SPINK5: variants seen among roughly 807,000 people sequenced by gnomAD.
SPINK5 encodes the protein serine peptidase inhibitor Kazal type 5.
In SPINK5, 125 loss-of-function variants were observed where a neutral mutation model predicts 151.8. The observed-to-expected ratio is 0.82, with a 90% CI of 0.71 to 0.96. The LOEUF is 0.96. SPINK5 is among the 40% of genes least tolerant of loss of function. The pLI is 0.00. For missense variants in SPINK5, 1,194 were observed against 1,291.9 expected (o/e 0.92, Z 1.16); for synonymous variants, 374 against 395.3 (o/e 0.95, Z 0.64).
chr5:148,071,199 G>A (rs1413233545), intron 3 of SPINK5, among the ~76,000 whole-genome samples: 2 of 152,118 alleles, frequency 1.3e-5, no homozygotes, highest in African/African-American at 4.8e-5. Context: ...AACTTCAACA[G>A]TGGTAGCAAG....
chr5:148,076,087 A>T (rs763485966), intron 4 of SPINK5, among the ~76,000 whole-genome samples: 13 of 151,798 alleles, frequency 8.6e-5, no homozygotes, highest in Non-Finnish European at 1.5e-4. Flanking sequence ...CTTAATAAAC[A>T]CAAAATGTCC....
intron 24 of SPINK5, 105 bp downstream of exon 24, chr5:148,119,163 C>T: frequency 1.8e-6 from 2 of 1,129,102 alleles, no homozygotes; most frequent in African/African-American, 1.5e-5. Flanking sequence ...TAGAGCTTGC[C>T]CTTAGAAGGT....
chr5:148,101,323 T>G, intron 13 of SPINK5, 32 bp from the exon 14 acceptor site: 1 of 1,483,814 alleles, frequency 6.7e-7, no homozygotes. Flanking sequence ...TCTATGATTT[T>G]TACTTATCTC....
At chr5:148,075,904 G>T (rs1192500724) in intron 4 of SPINK5, among the ~76,000 whole-genome samples, 3 of 151,712 alleles carry the variant, frequency 2.0e-5, no homozygotes, top group Non-Finnish European at 4.4e-5. Context: ...ATACCCAGAG[G>T]TGTTTTCAGT....
At chr5:148,065,293 G>C (rs1426235293) in intron 1 of SPINK5, 54 bp from the exon 2 acceptor site, 1 of 1,580,506 alleles carries the variant, frequency 6.3e-7, no homozygotes, top group Non-Finnish European at 8.7e-7. Flanking sequence ...TATTTGTTTT[G>C]TTTATTAAAT....
At chr5:148,112,071 T>C (rs537428466) in intron 19 of SPINK5, among the ~76,000 whole-genome samples, 176 bp downstream of exon 19, 1 of 152,302 alleles carries the variant, frequency 6.6e-6, no homozygotes, top group African/African-American at 2.4e-5. Context: ...ATTTCTGGTG[T>C]TCTTCAATAG....
intron 21 of SPINK5, 102 bp from the exon 22 acceptor site, chr5:148,116,268 A>G: frequency 8.3e-7 from 1 of 1,197,886 alleles, no homozygotes; most frequent in Non-Finnish European, 1.2e-6. Flanking sequence ...ATGCTCGATA[A>G]TTCTGTACAT....
chr5:148,122,001 AGTGTGTGT>A (rs35297940), intron 26 of SPINK5, among the ~76,000 whole-genome samples: 8 of 148,506 alleles, frequency 5.4e-5, no homozygotes, highest in African/African-American at 1.5e-4. Flanking sequence ...ATTGTGTGTG[AGTGTGTGT>A]GTGTGTGTGT....
intron 19 of SPINK5, 72 bp from the exon 20 acceptor site, chr5:148,112,796 G>C (rs1365456384): frequency 6.3e-7 from 1 of 1,599,864 alleles, no homozygotes; most frequent in Non-Finnish European, 8.5e-7. Context: ...TTTTTATGTA[G>C]AGACATTTCT....
intron 2 of SPINK5, among the ~76,000 whole-genome samples, chr5:148,067,169 G>T (rs1327141464): frequency 2.0e-5 from 3 of 152,188 alleles, no homozygotes; most frequent in Non-Finnish European, 4.4e-5. Flanking sequence ...GCAAAAGCAA[G>T]CTGGTCAGTG....
At chr5:148,064,616 A>G (rs1752528968) in intron 1 of SPINK5, among the ~76,000 whole-genome samples, 1 of 152,118 alleles carries the variant, frequency 6.6e-6, no homozygotes, top group Admixed American at 6.5e-5. Flanking sequence ...AGAGTGAGGG[A>G]CTTTTGTGGG....
chr5:148,094,253 C>G (rs1476352168), intron 8 of SPINK5, 101 bp from the exon 9 acceptor site: 2 of 1,306,850 alleles, frequency 1.5e-6, no homozygotes, highest in Non-Finnish European at 2.2e-6. Flanking sequence ...TATGATCATT[C>G]CCCTGCAATC....
At position 148,118,998 on chromosome 5, in the gene SPINK5, A is replaced by C. The variant is rs916104625; in HGVS notation, c.2253A>C (p.Ala751=). Reference sequence around the variant, plus strand: ...TTTTCTCCTCCAGGGAAAGAGAAGCAGAGAGAAAAAATGAGTATTCTCGCT... The same window carrying C: ...TTTTCTCCTCCAGGGAAAGAGAAGCCGAGAGAAAAAATGAGTATTCTCGCT... ...TMCKAKLERE[A]ERKNEYSRSR... Residue 751 remains alanine, a synonymous_variant, in exon 24 of 33, where the codon GCA becomes GCC. Coordinates refer to ENST00000256084, the MANE Select transcript of SPINK5 (RefSeq NM_006846.4). 6.2e-7 allele frequency: 1 copy of C among 1,614,050 alleles called. No homozygotes were observed. The highest frequency in any genetic ancestry group is 1.3e-5 in the African/African-American group (1 of 75,060).
rs9686236 is a variant in SPINK5, at chr5:148,132,347, G to A, written c.3095+958G>A. ...ACTATAAGCAAGGCCCAGAACATGA[G>A]GATAGGACTCCCTGATATCCTGCTT... On this transcript the variant is annotated intron_variant, in intron 31 of 32. Transcript: ENST00000256084. 6.9e-3 allele frequency among the ~76,000 whole-genome samples: 1,043 copies of A among 152,060 alleles called. 9 individuals are homozygous for A. The highest frequency in any genetic ancestry group is 0.024 in the African/African-American group (996 of 41,470).
At chr5:148,102,994 T>C (rs1404696950) in intron 15 of SPINK5, among the ~76,000 whole-genome samples, 1 of 151,982 alleles carries the variant, frequency 6.6e-6, no homozygotes, top group Non-Finnish European at 1.5e-5. Context: ...GATTTTTGAC[T>C]AAAAAAACCC....
Position 148,123,916 on chromosome 5 carries a change from T to C in SPINK5, c.2622T>C (p.Tyr874=), listed in dbSNP as rs1057520643. 10 of 1,613,944 alleles carry C rather than the reference T, an allele frequency of 6.2e-6. No homozygotes were observed. The highest frequency in any genetic ancestry group is 1.3e-5 in the African/African-American group (1 of 74,902). ...TRENNPVRGP[Y]GKMHINKCAM... ...AAAATAACCCTGTTCGAGGCCCATA[T>C]GGCAAGATGCACATCAATAAATGTG... is the stretch of plus-strand genomic sequence containing the variant. Residue 874 remains tyrosine (Y), a synonymous_variant, in exon 27 of 33, where the codon TAT becomes TAC. Coordinates refer to ENST00000256084, the MANE Select transcript of SPINK5 (RefSeq NM_006846.4).
chr5:148,134,435 A>T (rs1198473158), intron 32 of SPINK5, among the ~76,000 whole-genome samples: 2 of 152,228 alleles, frequency 1.3e-5, no homozygotes, highest in African/African-American at 4.8e-5. Flanking sequence ...ATGAAAAAAT[A>T]GGAATTTTCA....
At position 148,101,842 on chromosome 5, in the gene SPINK5, A is replaced by G. The variant is rs2113122359; in HGVS notation, c.1364A>G (p.Asn455Ser). The change falls in exon 15 of 33, where the codon AAT becomes AGT. Residue 455 changes from asparagine (N) to serine (S), a missense_variant. By Grantham distance (46) the Asn-to-Ser change is conservative (BLOSUM62 1). Coordinates refer to ENST00000256084, the MANE Select transcript of SPINK5 (RefSeq NM_006846.4). Reference protein sequence around the residue: ...KNGRLFCTRENDPIQGPDGKM... With the variant: ...KNGRLFCTRESDPIQGPDGKM... ...GGACGGCTTTTTTGCACCAGAGAGAATGACCCCATCCAGGGCCCAGATGGA... is the reference window on the plus strand; with the variant it reads ...GGACGGCTTTTTTGCACCAGAGAGAGTGACCCCATCCAGGGCCCAGATGGA... 1 of 1,613,852 alleles carries G rather than the reference A, an allele frequency of 6.2e-7. No homozygotes were observed. Among genetic ancestry groups the G allele is most frequent in the South Asian group, 1.1e-5 (1 of 91,080 alleles).
intron 7 of SPINK5, 111 bp downstream of exon 7, chr5:148,089,732 C>T: frequency 6.7e-7 from 1 of 1,491,714 alleles, no homozygotes; most frequent in Non-Finnish European, 9.3e-7. Flanking sequence ...AATTCTTTGT[C>T]TTTACACTGT....
Sources: gnomAD v4.1 joint callset for allele counts (sites outside exome capture counted in the v4.1 genomes callset) on GRCh38, gnomAD v4.1.1 for gene constraint, MANE v1.5 for transcripts, NCBI Gene and HGNC (gene_info 2026-07-23, HGNC 2026-07-21) for gene names.